Variants in ALX4 observed in about 807,000 individuals in gnomAD.
The protein encoded by ALX4 is homeobox protein aristaless-like 4.
ALX4 carries 22 observed loss-of-function variants against 40.6 expected under a neutral mutation model. The ratio of observed to expected loss-of-function variants is 0.54; its 90% CI spans 0.39 to 0.77. The LOEUF (loss-of-function observed/expected upper bound fraction) is 0.77, where lower values mean the gene tolerates loss of function less well. ALX4 is among the 30% of genes least tolerant of loss of function. ALX4 has a pLI of 0.00. For synonymous variants in ALX4, 266 were observed against 240.5 expected (o/e 1.11, Z -0.98); for missense variants, 556 against 564.8 (o/e 0.98, Z 0.16).
intron 1 of ALX4, among the ~76,000 whole-genome samples, chr11:44,276,895 C>T (rs1956281104): frequency 6.6e-6 from 1 of 152,136 alleles, no homozygotes; most frequent in Non-Finnish European, 1.5e-5. Context: ...GTAATGCTTG[C>T]TCACCTGCCG....
chr11:44,281,609 G>A (rs11037934), intron 1 of ALX4, among the ~76,000 whole-genome samples: 2,489 of 152,000 alleles, frequency 0.016, 45 homozygotes, highest in African/African-American at 0.051. Context: ...AAAAAAACAG[G>A]CCAGCATGAG....
intron 1 of ALX4, among the ~76,000 whole-genome samples, chr11:44,307,972 G>A (rs1230744105): frequency 6.6e-6 from 1 of 152,166 alleles, no homozygotes; most frequent in Non-Finnish European, 1.5e-5. Context: ...ATGTGGAGCT[G>A]TGGGTGTCTG....
chr11:44,273,365 C>A (rs1453327640), intron 2 of ALX4, among the ~76,000 whole-genome samples: 1 of 152,114 alleles, frequency 6.6e-6, no homozygotes, highest in Non-Finnish European at 1.5e-5. Context: ...GAAACTTAAA[C>A]TTGAGTGTGT....
chr11:44,278,011 GTTTTTTTTTT>G (rs34077997), intron 1 of ALX4, among the ~76,000 whole-genome samples: 3 of 141,894 alleles, frequency 2.1e-5, no homozygotes, highest in African/African-American at 7.8e-5. Context: ...TATGTTTTAG[GTTTTTTTTTT>G]TTTTTTTTAG....
At chr11:44,293,164 GAAGGAAGC>G (rs1333529603) in intron 1 of ALX4, among the ~76,000 whole-genome samples, 972 of 32,662 alleles carry the variant, frequency 0.03, 143 homozygotes, top group Non-Finnish European at 0.031. Flanking sequence ...AGGAAGGAAG[GAAGGAAGC>G]AGGCAGGCAG....
At chr11:44,280,376 C>T (rs1198067247) in intron 1 of ALX4, among the ~76,000 whole-genome samples, 4 of 152,228 alleles carry the variant, frequency 2.6e-5, no homozygotes, top group Non-Finnish European at 5.9e-5. Context: ...CCAGGGAGCT[C>T]TCAGTTTGCC....
chr11:44,297,984 G>A (rs1956413095), intron 1 of ALX4, among the ~76,000 whole-genome samples: 1 of 152,180 alleles, frequency 6.6e-6, no homozygotes, highest in Admixed American at 6.5e-5. Flanking sequence ...CACCTTCCCT[G>A]GGGATTCCCA....
rs1182218241 is a variant in ALX4, at chr11:44,309,655, G to A, written c.408C>T (p.Ser136=). Residue 136 remains serine, a synonymous_variant, in exon 1 of 4, where the codon AGC becomes AGT. Transcript: ENST00000652299. ...RGACKTPPDG[S]LKLQEGSSGH... ...CGCTGCTGCCTTCCTGGAGTTTGAG[G>A]CTGCCGTCCGGGGGCGTCTTGCAGG... The A allele has an allele frequency of 6.3e-7, 1 of 1,593,156 alleles. No individual in the cohort carries two copies. Among genetic ancestry groups the A allele is most frequent in the Non-Finnish European group, 8.5e-7 (1 of 1,175,370 alleles).
intron 1 of ALX4, among the ~76,000 whole-genome samples, chr11:44,307,368 T>C (rs1379251374): frequency 1.3e-5 from 2 of 152,140 alleles, no homozygotes; most frequent in African/African-American, 4.8e-5. Context: ...GCCCTTTCCG[T>C]CAGCTCCAAA....
chr11:44,271,701 T>TGTGTGTGTGCGCGCGC (rs1236946453), intron 2 of ALX4, among the ~76,000 whole-genome samples: 2 of 152,218 alleles, frequency 1.3e-5, no homozygotes, highest in Admixed American at 6.5e-5. Context: ...GGTATAAGTG[T>TGTGTGTGTGCGCGCGC]GTGTGTGTGC....
intron 2 of ALX4, among the ~76,000 whole-genome samples, chr11:44,275,091 G>T (rs1159137137): frequency 6.6e-6 from 1 of 152,166 alleles, no homozygotes; most frequent in Non-Finnish European, 1.5e-5. Flanking sequence ...CTGCCCCTCT[G>T]CTGGAGGCCC....
At position 44,264,524 on chromosome 11, in the gene ALX4, G is replaced by C. The variant is rs1956201208; in HGVS notation, c.*330C>G. Reference sequence around the variant, plus strand: ...TCTAGCATTGACTCATGGTCAACTAGGCAGAGCAGAGGAGTGGGCGGGAGC... The same window carrying C: ...TCTAGCATTGACTCATGGTCAACTACGCAGAGCAGAGGAGTGGGCGGGAGC... On this transcript the variant is annotated 3_prime_UTR_variant, in exon 4 of 4. Transcript: ENST00000652299. 1 of 413,618 alleles carries C rather than the reference G, an allele frequency of 2.4e-6. No individual in the cohort carries two copies. Among genetic ancestry groups the C allele is most frequent in the African/African-American group, 2.0e-5 (1 of 50,092 alleles). 25.6% of individuals were successfully genotyped at this position (413,618 alleles called of 1,614,324 possible). A position where few individuals can be genotyped will look rare whatever the true frequency, so the allele number is the denominator to read the frequency against.
At chr11:44,293,298 G>T (rs1299990828) in intron 1 of ALX4, among the ~76,000 whole-genome samples, 1 of 151,964 alleles carries the variant, frequency 6.6e-6, no homozygotes, top group Non-Finnish European at 1.5e-5. Context: ...GCATGATGTG[G>T]CCAGGTGCAG....
At chr11:44,304,455 G>A (rs1293145023) in intron 1 of ALX4, among the ~76,000 whole-genome samples, 1 of 151,986 alleles carries the variant, frequency 6.6e-6, no homozygotes, top group East Asian at 1.9e-4. Context: ...CACCCACCTC[G>A]CCTACCCTCG....
intron 1 of ALX4, among the ~76,000 whole-genome samples, chr11:44,301,029 T>A (rs1956431413): frequency 6.6e-6 from 1 of 152,248 alleles, no homozygotes; most frequent in African/African-American, 2.4e-5. Context: ...AACTGGAATT[T>A]CAAGGTCACT....
intron 1 of ALX4, among the ~76,000 whole-genome samples, chr11:44,284,228 G>A (rs1024144502): frequency 1.3e-5 from 2 of 149,594 alleles, no homozygotes; most frequent in Non-Finnish European, 3.0e-5. Context: ...GGGGGGCGGG[G>A]CGGGGCTGGT....
intron 1 of ALX4, among the ~76,000 whole-genome samples, chr11:44,301,391 T>C (rs777744263): frequency 2.0e-5 from 3 of 152,178 alleles, no homozygotes; most frequent in East Asian, 1.9e-4. Context: ...CCCTGGCTTG[T>C]GGTTTTCAAG....
At chr11:44,296,901 T>G in intron 1 of ALX4, among the ~76,000 whole-genome samples, 1 of 150,286 alleles carries the variant, frequency 6.7e-6, no homozygotes, top group Non-Finnish European at 1.5e-5. Flanking sequence ...CCCAGCTACT[T>G]GGGAGGCTGA....
In ALX4 at chr11:44,276,973, T is replaced by G. The variant is rs1341648414; in HGVS notation, c.467-1315A>C. 3.3e-5 allele frequency among the ~76,000 whole-genome samples: 5 copies of G among 152,138 alleles called. No homozygotes were observed. In the East Asian group the frequency reaches 9.6e-4, roughly 29 times the overall value. On this transcript the variant is annotated intron_variant, in intron 1 of 3. Transcript: ENST00000652299. ...CGGTACTGGTCCACAGCCTGGGGGCTAAGGACCCCTGGTTTAGGTCATGGA... is the reference window on the plus strand; with the variant it reads ...CGGTACTGGTCCACAGCCTGGGGGCGAAGGACCCCTGGTTTAGGTCATGGA...
Sources: gnomAD v4.1 joint callset for allele counts (sites outside exome capture counted in the v4.1 genomes callset) on GRCh38, gnomAD v4.1.1 for gene constraint, MANE v1.5 for transcripts, NCBI Gene and HGNC (gene_info 2026-07-23, HGNC 2026-07-21) for gene names.